The following CHD3 variants were observed in gnomAD, a reference collection of about 807,000 sequenced individuals.
CHD3 encodes ATP-dependent chromatin remodeler CHD3.
In CHD3, 52 loss-of-function variants were observed where a neutral mutation model predicts 248.9. The observed-to-expected ratio is 0.21, with a 90% CI of 0.17 to 0.26. The LOEUF (loss-of-function observed/expected upper bound fraction) is 0.26. CHD3 is among the 10% of genes least tolerant of loss of function. The pLI is 1.00. For synonymous variants in CHD3, 985 were observed against 985.2 expected (o/e 1.00, Z 0.00); for missense variants, 1,482 against 2,605.8 (o/e 0.57, Z 9.39).
Position 7,904,145 on chromosome 17 carries a change from G to C in CHD3, c.3894+154G>C, listed in dbSNP as rs1970634126. The C allele has an allele frequency of 1.3e-6, 1 of 757,310 alleles. No individual in the cohort carries two copies. Among genetic ancestry groups the C allele is most frequent in the Admixed American group, 2.8e-5 (1 of 35,270 alleles). 46.9% of individuals were successfully genotyped at this position (757,310 alleles called of 1,614,324 possible). ...GTCTAATAGGTGAGACTGGACTTCA[G>C]AGAGAAACGTAGGCACAGACAGTAC... On this transcript the variant is annotated intron_variant, in intron 24 of 39. Transcript: ENST00000330494. This position sits in a 1 kb window ranked among gnomAD's most constrained non-coding sequence, Gnocchi z 4.4.
chr17:7,896,408 ATT>A (rs199832347), intron 10 of CHD3, among the ~76,000 whole-genome samples: 42 of 121,118 alleles, frequency 3.5e-4, no homozygotes, highest in Middle Eastern at 4.2e-3. Context: ...TTTTTTTTCT[ATT>A]TTTTTTTTTT....
chr17:7,887,757 C>G (rs1968193043), upstream of CHD3, among the ~76,000 whole-genome samples: 1 of 152,238 alleles, frequency 6.6e-6, no homozygotes. Flanking sequence ...GCCCCCGCCT[C>G]TCTCCTCCCT....
Position 7,911,872 on chromosome 17 carries a change from A to G in CHD3, c.*287A>G, listed in dbSNP as rs554359758. 4.4e-6 allele frequency: 3 copies of G among 685,894 alleles called. No individual in the cohort carries two copies. The highest frequency in any genetic ancestry group is 4.9e-5 in the East Asian group (1 of 20,518). The allele number at this position is 685,894 out of a possible 1,614,324, so 42.5% of individuals were successfully genotyped here. On this transcript the variant is annotated 3_prime_UTR_variant, in exon 40 of 40. Transcript: ENST00000330494. The surrounding 1 kb of genome is among the most constrained non-coding windows in gnomAD (Gnocchi z 5.4). ...CAAGTACCTTCCTCCCACACTGCCA[A>G]GTATACACAACTTCCCAGTAAATGG...
chr17:7,887,685 G>A (rs1416173423), upstream of CHD3, among the ~76,000 whole-genome samples: 2 of 152,102 alleles, frequency 1.3e-5, no homozygotes, highest in African/African-American at 2.4e-5. Flanking sequence ...GGCGGGAGGC[G>A]AGGCTTCGGC....
At chr17:7,892,496 C>CTTTT (rs34196029) in intron 4 of CHD3, among the ~76,000 whole-genome samples, 4 of 112,464 alleles carry the variant, frequency 3.6e-5, no homozygotes, top group Non-Finnish European at 7.1e-5. Flanking sequence ...TTTATTTCCC[C>CTTTT]TTTTTTTTTT....
At position 7,897,359 on chromosome 17, in the gene CHD3, C is replaced by T; in HGVS notation, c.1919+65C>T. The T allele has an allele frequency of 7.4e-7, 1 of 1,350,684 alleles. No individual in the cohort carries two copies. Among genetic ancestry groups the T allele is most frequent in the South Asian group, 1.2e-5 (1 of 84,370 alleles). The allele number at this position is 1,350,684 out of a possible 1,614,324, so 83.7% of individuals were successfully genotyped here. On this transcript the variant is annotated intron_variant, in intron 11 of 39. Transcript: ENST00000330494. The surrounding 1 kb of genome is among the most constrained non-coding windows in gnomAD (Gnocchi z 4.8). ...ACATTATTCTTACCATGGTGATGGC[C>T]CCATGTTAGTATTTGCTGATTAACC... is the stretch of plus-strand genomic sequence containing the variant.
rs1004580999 is a variant in CHD3, at chr17:7,909,238, C to T, written c.5490C>T (p.His1830=). The change falls in exon 37 of 40, where the codon CAC becomes CAT. Residue 1830 remains histidine, a synonymous_variant. Coordinates refer to ENST00000330494, the MANE Select transcript of CHD3 (RefSeq NM_001005273.3). The surrounding 1 kb of genome is among the most constrained non-coding windows in gnomAD (Gnocchi z 8.1). Reference sequence around the variant, plus strand: ...CGGCGCACCCCGCCATGGCCCTCCACGCCCGCTTCGCCGAGGCCGAGTGCC... The same window carrying T: ...CGGCGCACCCCGCCATGGCCCTCCATGCCCGCTTCGCCGAGGCCGAGTGCC... ...QEPAHPAMAL[H]ARFAEAECLA... 4.5e-6 allele frequency: 7 copies of T among 1,551,886 alleles called. No homozygotes were observed. The highest frequency in any genetic ancestry group is 2.7e-5 in the African/African-American group (2 of 73,118).
chr17:7,893,283 C>T lies in CHD3; in HGVS notation c.510-3C>T. The T allele has an allele frequency of 6.2e-7, 1 of 1,601,010 alleles. No individual in the cohort carries two copies. The highest frequency in any genetic ancestry group is 8.5e-7 in the Non-Finnish European group (1 of 1,171,928). On this transcript the variant is annotated splice_polypyrimidine_tract_variant and splice_region_variant and intron_variant, in intron 4 of 39. Transcript: ENST00000330494. ...TCCGAGTTTTCTGCTTCTATATTTA[C>T]AGGCCCCTAATTGCTAAGAAGAATC...
Position 7,889,566 on chromosome 17 carries a change from G to C in CHD3, c.101-98G>C, listed in dbSNP as rs916983667. On this transcript the variant is annotated intron_variant, in intron 1 of 39. Transcript: ENST00000330494. This position sits in a 1 kb window ranked among gnomAD's most constrained non-coding sequence, Gnocchi z 4.5. ...GGCTTGGAGGAGTTAATGCTTCCTA[G>C]AGAGTGGGAACTGCCGAGGTGGGGA... 3.3e-5 allele frequency: 31 copies of C among 953,324 alleles called. No homozygotes were observed. Among genetic ancestry groups the C allele is most frequent in the Non-Finnish European group, 5.0e-5 (31 of 618,892 alleles). The allele number at this position is 953,324 out of a possible 1,614,324, so 59.1% of individuals were successfully genotyped here.
At position 7,907,548 on chromosome 17, in the gene CHD3, G is replaced by C; in HGVS notation, c.4925-53G>C. ...GAATTTGGGATTTCCCTCTTCTGGGGTCAGGGGATGAGGGTAACATCCTCC... is the reference window on the plus strand; with the variant it reads ...GAATTTGGGATTTCCCTCTTCTGGGCTCAGGGGATGAGGGTAACATCCTCC... On this transcript the variant is annotated intron_variant, in intron 32 of 39. Coordinates refer to ENST00000330494, the MANE Select transcript of CHD3 (RefSeq NM_001005273.3). This position sits in a 1 kb window ranked among gnomAD's most constrained non-coding sequence, Gnocchi z 4.3. 1 of 1,531,108 alleles carries C rather than the reference G, an allele frequency of 6.5e-7. No homozygotes were observed. The highest frequency in any genetic ancestry group is 8.8e-7 in the Non-Finnish European group (1 of 1,139,688). 94.8% of individuals were successfully genotyped at this position (1,531,108 alleles called of 1,614,324 possible).
intron 20 of CHD3, 42 bp downstream of exon 20, chr17:7,901,417 C>T (rs1250005208): frequency 7.9e-6 from 12 of 1,511,576 alleles, no homozygotes; most frequent in Non-Finnish European, 9.8e-6. Flanking sequence ...GCTTCCTCTT[C>T]CCTCTCCTCA....
intron 20 of CHD3, 85 bp downstream of exon 20, chr17:7,901,460 G>A (rs1970294488): frequency 8.0e-7 from 1 of 1,246,730 alleles, no homozygotes; most frequent in Non-Finnish European, 1.1e-6. Flanking sequence ...CGGTCTTCCT[G>A]TGGCTGCTCT....
In CHD3 at chr17:7,899,846, G is replaced by C; in HGVS notation, c.2545-50G>C. The C allele has an allele frequency of 6.3e-7, 1 of 1,597,262 alleles. No individual in the cohort carries two copies. The highest frequency in any genetic ancestry group is 8.6e-7 in the Non-Finnish European group (1 of 1,168,924). On this transcript the variant is annotated intron_variant, in intron 15 of 39. Transcript: ENST00000330494. This position sits in a 1 kb window ranked among gnomAD's most constrained non-coding sequence, Gnocchi z 6.8. The stretch of plus-strand genomic sequence containing the variant: ...CAAGGTGTCTGGTTCTGGAGGTGTA[G>C]GTGCATGGTTGTCAGGTGGCAGCTG...
intron 19 of CHD3, 41 bp downstream of exon 19, chr17:7,901,034 C>T: frequency 6.3e-7 from 1 of 1,598,192 alleles, no homozygotes; most frequent in Non-Finnish European, 8.5e-7. Flanking sequence ...CGCCCATTCT[C>T]AGAAAACATG....
In CHD3 at chr17:7,895,600, C is replaced by G. The variant is rs1163706381; in HGVS notation, c.1707+58C>G. The G allele has an allele frequency of 1.4e-6, 2 of 1,434,450 alleles. No homozygotes were observed. Among genetic ancestry groups the G allele is most frequent in the South Asian group, 1.2e-5 (1 of 84,702 alleles). 88.9% of individuals were successfully genotyped at this position (1,434,450 alleles called of 1,614,324 possible). On this transcript the variant is annotated intron_variant, in intron 10 of 39. Coordinates refer to ENST00000330494, the MANE Select transcript of CHD3 (RefSeq NM_001005273.3). The surrounding 1 kb of genome is among the most constrained non-coding windows in gnomAD (Gnocchi z 4.9). ...GACCTCATTTCCTGCCATCCTCTCC[C>G]TCTCTTACTCCTCTGTTTGTTGGGT...
chr17:7,897,159 A>C lies in CHD3; in HGVS notation c.1784A>C (p.Tyr595Ser), dbSNP rs755345554. 2.5e-6 allele frequency: 4 copies of C among 1,614,052 alleles called. No homozygotes were observed. The highest frequency in any genetic ancestry group is 3.4e-6 in the Non-Finnish European group (4 of 1,180,024). The change falls in exon 11 of 40, where the codon TAT becomes TCT. Residue 595 changes from tyrosine to serine, a missense_variant. Coordinates refer to ENST00000330494, the MANE Select transcript of CHD3 (RefSeq NM_001005273.3). The surrounding 1 kb of genome is among the most constrained non-coding windows in gnomAD (Gnocchi z 4.8). ...ATGGATGAGCCCCCACCCCTGGACT[A>C]TGGCTCCGGCGAGGATGATGGGAAG... The part of the protein sequence containing the change: ...NDMDEPPPLD[Y>S]GSGEDDGKSD...
chr17:7,886,667 C>CAGG (rs1261937022), upstream of CHD3, among the ~76,000 whole-genome samples: 1 of 152,086 alleles, frequency 6.6e-6, no homozygotes, highest in African/African-American at 2.4e-5. The surrounding 1 kb of genome is among the most constrained non-coding windows in gnomAD (Gnocchi z 4.2). Flanking sequence ...CCTGCCTTGG[C>CAGG]AGGAGGAGGA....
chr17:7,887,091 C>T (rs775508156), upstream of CHD3, among the ~76,000 whole-genome samples: 1 of 152,024 alleles, frequency 6.6e-6, no homozygotes, highest in South Asian at 2.1e-4. Flanking sequence ...GGTAAAACTT[C>T]GGGAAATTAT....
At position 7,900,678 on chromosome 17, in the gene CHD3, C is replaced by T. The variant is rs955411116; in HGVS notation, c.2925C>T (p.Asn975=). The T allele has an allele frequency of 6.2e-7, 1 of 1,614,010 alleles. No individual in the cohort carries two copies. Among genetic ancestry groups the T allele is most frequent in the African/African-American group, 1.3e-5 (1 of 74,898 alleles). ...LRRLKADVFK[N]MPAKTELIVR... ...GACTCAAGGCAGATGTCTTTAAGAA[C>T]ATGCCAGCCAAGACAGAGCTCATCG... is the stretch of plus-strand genomic sequence containing the variant. Residue 975 remains asparagine (N), a synonymous_variant, in exon 18 of 40, where the codon AAC becomes AAT. Coordinates refer to ENST00000330494, the MANE Select transcript of CHD3 (RefSeq NM_001005273.3). The surrounding 1 kb of genome is among the most constrained non-coding windows in gnomAD (Gnocchi z 6.5).
Sources: allele counts gnomAD v4.1 joint callset (sites outside exome capture counted in the v4.1 genomes callset), GRCh38; gene constraint gnomAD v4.1.1; non-coding constraint Gnocchi (gnomAD v3.1); transcripts MANE v1.5; gene names NCBI Gene and HGNC (gene_info 2026-07-23, HGNC 2026-07-21).